Variants in GAD1 observed in about 807,000 individuals in gnomAD.
GAD1 encodes glutamate decarboxylase 1.
GAD1 carries 35 observed loss-of-function variants against 75.2 expected under a neutral mutation model. That is an observed-to-expected ratio of 0.47 (90% confidence interval 0.36 to 0.62). The LOEUF is 0.62. Among genes scored for constraint, GAD1 ranks in the 20% least tolerant of loss-of-function variants. The pLI, the probability that GAD1 is intolerant of heterozygous loss-of-function variation, is 0.00. For synonymous variants in GAD1, 257 were observed against 271.9 expected (o/e 0.95, Z 0.54); for missense variants, 490 against 758.5 (o/e 0.65, Z 4.16).
At chr2:170,837,181 G>A (rs911992116) in intron 6 of GAD1, among the ~76,000 whole-genome samples, 27 of 152,086 alleles carry the variant, frequency 1.8e-4, no homozygotes, top group Non-Finnish European at 2.9e-4. Flanking sequence ...ATCTAAAGAG[G>A]TTATGTTTTG....
intron 12 of GAD1, among the ~76,000 whole-genome samples, chr2:170,850,408 T>C (rs187240745): frequency 6.6e-6 from 1 of 152,220 alleles, no homozygotes; most frequent in Non-Finnish European, 1.5e-5. Flanking sequence ...AGCAAGGATA[T>C]GAGGAACAGT....
At chr2:170,842,573 T>A in intron 6 of GAD1, 1 of 1,613,904 alleles carries the variant, frequency 6.2e-7, no homozygotes, top group Non-Finnish European at 8.5e-7. Flanking sequence ...TATCAGGCCA[T>A]CAGACATGAG....
At chr2:170,833,777 G>A (rs1454333950) in intron 5 of GAD1, among the ~76,000 whole-genome samples, 1 of 152,176 alleles carries the variant, frequency 6.6e-6, no homozygotes, top group Admixed American at 6.5e-5. Flanking sequence ...TGGCAGGCTG[G>A]CAGGTGGATC....
chr2:170,843,828 G>A (rs1228812117), intron 6 of GAD1: 1 of 558,848 alleles, frequency 1.8e-6, no homozygotes, highest in African/African-American at 1.9e-5. Flanking sequence ...GTATCACAGG[G>A]CTGGCACTTC....
At position 170,853,955 on chromosome 2, in the gene GAD1, G is replaced by A. The variant is rs1361772083; in HGVS notation, c.1346G>A (p.Gly449Glu). 6.2e-7 allele frequency: 1 copy of A among 1,614,118 alleles called. No individual in the cohort carries two copies. The change falls in exon 14 of 17, where the codon GGG becomes GAG. Residue 449 changes from glycine to glutamate, a missense_variant. By Grantham distance (98) the Gly-to-Glu change is moderately conservative. Around this residue, in one of 3 missense-constraint regions of GAD1, gnomAD observed 324 missense variants for 523.9 expected, o/e 0.62. Coordinates refer to ENST00000358196, the MANE Select transcript of GAD1 (RefSeq NM_000817.3). This position sits in a 1 kb window ranked among gnomAD's most constrained non-coding sequence, Gnocchi z 4.1. Reference protein sequence around the residue: ...DKQYDVSYDTGDKAIQCGRHV... With the variant: ...DKQYDVSYDTEDKAIQCGRHV... Reference sequence around the variant, plus strand: ...CAGTATGATGTCTCCTACGACACCGGGGACAAGGCAATTCAGTGTGGCCGC... The same window carrying A: ...CAGTATGATGTCTCCTACGACACCGAGGACAAGGCAATTCAGTGTGGCCGC...
At chr2:170,820,089 C>A (rs1482182726) in intron 2 of GAD1, among the ~76,000 whole-genome samples, 1 of 152,162 alleles carries the variant, frequency 6.6e-6, no homozygotes, top group Admixed American at 6.5e-5. Context: ...GCGAGGCCTG[C>A]GCGCCTTTGT....
Position 170,853,709 on chromosome 2 carries a change from G to A in GAD1, c.1264-164G>A. ...AAAAGGGATGGCAGTTTTTCCAAGA[G>A]TGATTTTAGAAAAGGGCATCAGAAC... On this transcript the variant is annotated intron_variant, in intron 13 of 16. Transcript: ENST00000358196. The surrounding 1 kb of genome is among the most constrained non-coding windows in gnomAD (Gnocchi z 4.1). 1 of 670,170 alleles carries A rather than the reference G, an allele frequency of 1.5e-6. No homozygotes were observed. The allele number at this position is 670,170 out of a possible 1,614,324, so 41.5% of individuals were successfully genotyped here. A position where few individuals can be genotyped will look rare whatever the true frequency, so the allele number is the denominator to read the frequency against.
chr2:170,859,744 A>G lies in GAD1; in HGVS notation c.1647A>G (p.Ser549=). The G allele has an allele frequency of 1.2e-6, 2 of 1,614,228 alleles. No homozygotes were observed. Among genetic ancestry groups the G allele is most frequent in the Non-Finnish European group, 8.5e-7 (1 of 1,180,036 alleles). ...APKIKALMME[S]GTTMVGYQPQ... ...AAATCAAAGCCCTGATGATGGAGTC[A>G]GGTACGACCATGGTTGGCTACCAGC... is the stretch of plus-strand genomic sequence containing the variant. Residue 549 remains serine, a synonymous_variant, in exon 17 of 17, where the codon TCA becomes TCG. Transcript: ENST00000358196.
chr2:170,826,769 T>C (rs1314390074), intron 3 of GAD1, among the ~76,000 whole-genome samples: 2 of 152,046 alleles, frequency 1.3e-5, no homozygotes, highest in Non-Finnish European at 2.9e-5. Flanking sequence ...GAGGTTCAGC[T>C]GGGCAGGACC....
At chr2:170,828,919 TCACC>T (rs1380424815) in intron 3 of GAD1, 1 of 211,256 alleles carries the variant, frequency 4.7e-6, no homozygotes, top group Non-Finnish European at 9.5e-6. Context: ...TCTGCTGTCC[TCACC>T]CCTCCTCATC....
At chr2:170,855,197 A>G (rs1702824987) in intron 14 of GAD1, among the ~76,000 whole-genome samples, 1 of 151,140 alleles carries the variant, frequency 6.6e-6, no homozygotes, top group Non-Finnish European at 1.5e-5. Context: ...TTTCCTCAGT[A>G]AGTCATTTTG....
At chr2:170,834,334 A>T (rs927898098) in intron 5 of GAD1, among the ~76,000 whole-genome samples, 2 of 152,252 alleles carry the variant, frequency 1.3e-5, no homozygotes, top group Admixed American at 1.3e-4. Flanking sequence ...AAGGATATTA[A>T]TGCATTAATA....
Position 170,860,153 on chromosome 2 carries a change from G to C in GAD1, c.*271G>C. ...ATACATGTATAGTGAGTGTGGCTTA[G>C]TAATAGATCACGGCATGTTTCCCGC... On this transcript the variant is annotated 3_prime_UTR_variant, in exon 17 of 17. Transcript: ENST00000358196. The C allele has an allele frequency of 2.6e-6, 1 of 380,948 alleles. No homozygotes were observed. The highest frequency in any genetic ancestry group is 3.1e-5 in the South Asian group (1 of 32,046). 23.6% of individuals were successfully genotyped at this position (380,948 alleles called of 1,614,324 possible).
chr2:170,814,978 C>G (rs1320512007), upstream of GAD1, among the ~76,000 whole-genome samples: 2 of 152,272 alleles, frequency 1.3e-5, no homozygotes, highest in East Asian at 3.9e-4. Flanking sequence ...GGCGTCTATG[C>G]TGGACAATGA....
chr2:170,850,841 C>T (rs1702731328), intron 12 of GAD1, among the ~76,000 whole-genome samples: 1 of 151,996 alleles, frequency 6.6e-6, no homozygotes, highest in Non-Finnish European at 1.5e-5. Flanking sequence ...TGGTGAAACC[C>T]CCGTCTCTAC....
chr2:170,859,785 C>T lies in GAD1; in HGVS notation c.1688C>T (p.Ala563Val), dbSNP rs140912905. ...MVGYQPQGDK[A>V]NFFRMVISNP... is the part of the protein sequence containing the mutation. ...GGCTACCAGCCCCAAGGGGACAAGG[C>T]CAACTTCTTCCGGATGGTCATCTCC... The change falls in exon 17 of 17, where the codon GCC (alanine) becomes GTC (valine). Residue 563 changes from alanine to valine, a missense_variant. Physicochemically the swap from Ala to Val is moderately conservative, Grantham distance 64. Around this residue, in one of 3 missense-constraint regions of GAD1, gnomAD observed 324 missense variants for 523.9 expected, o/e 0.62. Coordinates refer to ENST00000358196, the MANE Select transcript of GAD1 (RefSeq NM_000817.3). The T allele has an allele frequency of 1.1e-5, 17 of 1,614,008 alleles. No homozygotes were observed. In the African/African-American group the frequency reaches 2.0e-4, roughly 19 times the overall value.
chr2:170,837,233 G>A (rs1478075135), intron 6 of GAD1, among the ~76,000 whole-genome samples: 1 of 152,114 alleles, frequency 6.6e-6, no homozygotes, highest in Non-Finnish European at 1.5e-5. Context: ...CAAGCACATT[G>A]GTCCTTATCA....
chr2:170,848,862 G>T (rs1419954593), intron 11 of GAD1: 2 of 505,180 alleles, frequency 4.0e-6, no homozygotes, highest in African/African-American at 3.9e-5. Flanking sequence ...AGGAACTGCT[G>T]CTTTTTGAGT....
chr2:170,829,560 T>C lies in GAD1; in HGVS notation c.231T>C (p.Leu77=). The C allele has an allele frequency of 6.2e-7, 1 of 1,614,002 alleles. No individual in the cohort carries two copies. Among genetic ancestry groups the C allele is most frequent in the Non-Finnish European group, 8.5e-7 (1 of 1,180,030 alleles). ...AGAGGCAATCCTCCAAGAACCTGCTTTCCTGTGAAAACAGCGACCGGGATG... is the reference window on the plus strand; with the variant it reads ...AGAGGCAATCCTCCAAGAACCTGCTCTCCTGTGAAAACAGCGACCGGGATG... ...FKERQSSKNL[L]SCENSDRDAR... Residue 77 remains leucine, a synonymous_variant, in exon 4 of 17, where the codon CTT becomes CTC. Coordinates refer to ENST00000358196, the MANE Select transcript of GAD1 (RefSeq NM_000817.3).
Sources: gnomAD v4.1 joint callset for allele counts (sites outside exome capture counted in the v4.1 genomes callset) on GRCh38, gnomAD v4.1.1 for gene constraint, gnomAD v4.1.1 regional missense constraint, Gnocchi (gnomAD v3.1) non-coding constraint, MANE v1.5 for transcripts, NCBI Gene and HGNC (gene_info 2026-07-23, HGNC 2026-07-21) for gene names.